The following ARHGEF9 variants were observed in gnomAD, a reference collection of about 807,000 sequenced individuals.
The protein encoded by ARHGEF9 is Cdc42 guanine nucleotide exchange factor 9, also known as rho guanine nucleotide exchange factor 9.
Under a neutral mutation model 41.3 loss-of-function variants are expected in ARHGEF9, and 2 were observed. That is an observed-to-expected ratio of 0.05 (90% CI 0.02 to 0.15). ARHGEF9 has a LOEUF of 0.15. Among genes scored for constraint, ARHGEF9 ranks in the 10% least tolerant of loss-of-function variants. The pLI is 1.00. For missense variants in ARHGEF9, 225 were observed against 424.7 expected (o/e 0.53, Z 4.13); for synonymous variants, 160 against 154.4 (o/e 1.04, Z -0.27).
At chrX:63,679,262 T>C (rs2050465831) in intron 4 of ARHGEF9, among the ~76,000 whole-genome samples, 1 of 111,535 alleles carries the variant, frequency 9.0e-6, no homozygotes, top group African/African-American at 3.3e-5. Context: ...TGGTAAAATG[T>C]TAACAACAGG....
chrX:63,715,350 G>A (rs2053225438), intron 2 of ARHGEF9, among the ~76,000 whole-genome samples: 1 of 111,466 alleles, frequency 9.0e-6, no homozygotes, highest in Non-Finnish European at 1.9e-5. Context: ...CCGATTTCAT[G>A]ATGAAAGCCA....
chrX:63,781,990 A>G (rs1318878980), intron 1 of ARHGEF9, among the ~76,000 whole-genome samples: 1 of 112,016 alleles, frequency 8.9e-6, no homozygotes, highest in African/African-American at 3.2e-5. Context: ...AATGCCCCTT[A>G]ACTAGTGAGG....
At chrX:63,711,683 C>T (rs2052941695) in intron 2 of ARHGEF9, among the ~76,000 whole-genome samples, 1 of 111,788 alleles carries the variant, frequency 8.9e-6, no homozygotes, top group Non-Finnish European at 1.9e-5. Context: ...TGAATGGAAT[C>T]AGATTATAAA....
intron 1 of ARHGEF9, among the ~76,000 whole-genome samples, chrX:63,770,488 T>G (rs1289399295): frequency 8.9e-6 from 1 of 112,207 alleles, no homozygotes; most frequent in East Asian, 2.8e-4. Context: ...TTGCCTCAAA[T>G]TTTAAAATGT....
At position 63,674,050 on chromosome X, in the gene ARHGEF9, G is replaced by T. The variant is rs2050112999; in HGVS notation, c.933C>A (p.Val311=). The change falls in exon 6 of 10, where the codon GTC becomes GTA. Residue 311 remains valine (V), a synonymous_variant. Transcript: ENST00000671741. ...IDKIAQWQAS[V]LDWEGEDILD... ...GTAAGTTTCCTACCTCCCAGTCTAG[G>T]ACAGAAGCCTGCCACTGAGCAATCT... The T allele has an allele frequency of 8.3e-7, 1 of 1,209,385 alleles. No homozygotes were observed. The highest frequency in any genetic ancestry group is 1.8e-5 in the African/African-American group (1 of 57,104).
intron 7 of ARHGEF9, among the ~76,000 whole-genome samples, chrX:63,665,232 A>T (rs1293149533): frequency 5.4e-5 from 6 of 112,137 alleles, no homozygotes; most frequent in African/African-American, 1.9e-4. Flanking sequence ...CAGCCTCACA[A>T]AGGAGAAGAG....
At chrX:63,650,567 A>G (rs1329368565) in intron 8 of ARHGEF9, among the ~76,000 whole-genome samples, 2 of 110,860 alleles carry the variant, frequency 1.8e-5, no homozygotes, top group African/African-American at 6.5e-5. Flanking sequence ...AAGGAATAAG[A>G]TTTAGTTTGT....
intron 1 of ARHGEF9, among the ~76,000 whole-genome samples, chrX:63,739,845 T>C (rs1354678441): frequency 8.9e-6 from 1 of 112,311 alleles, no homozygotes; most frequent in African/African-American, 3.2e-5. Context: ...AATGAAGTCT[T>C]GCACTTAAAA....
chrX:63,732,442 C>A (rs782423293), intron 1 of ARHGEF9: 1 of 111,687 alleles, frequency 9.0e-6, no homozygotes, highest in Non-Finnish European at 1.9e-5. Flanking sequence ...ACAACGCATT[C>A]TCTTCATTCC....
At chrX:63,784,565 C>T (rs1401415516) in intron 1 of ARHGEF9, among the ~76,000 whole-genome samples, 1 of 112,270 alleles carries the variant, frequency 8.9e-6, no homozygotes, top group African/African-American at 3.2e-5. Flanking sequence ...CTTTAGGGCT[C>T]CCTCAGGCAG....
intron 4 of ARHGEF9, among the ~76,000 whole-genome samples, chrX:63,694,878 G>A (rs1350394515): frequency 1.8e-5 from 2 of 111,980 alleles, no homozygotes; most frequent in African/African-American, 3.2e-5. Context: ...TCTACGTAAA[G>A]CTGATAAAAA....
intron 4 of ARHGEF9, among the ~76,000 whole-genome samples, chrX:63,686,955 T>C (rs182244880): frequency 6.4e-5 from 7 of 109,777 alleles, no homozygotes; most frequent in African/African-American, 1.0e-4. Flanking sequence ...TTCCCCACCA[T>C]CTTAGATTCC....
Position 63,697,131 on chromosome X carries a change from T to C in ARHGEF9, c.576A>G (p.Leu192=), listed in dbSNP as rs1556389015. Residue 192 remains leucine, a synonymous_variant, in exon 4 of 10, where the codon CTA becomes CTG. Transcript: ENST00000671741. Reference sequence around the variant, plus strand: ...AAATGGATAAGATACTTACGTGCTCTAGGAAGCAGGGTCCTATCTCGCTGA... The same window carrying C: ...AAATGGATAAGATACTTACGTGCTCCAGGAAGCAGGGTCCTATCTCGCTGA... ...PHLSEIGPCF[L]EHQDGFWIYS... is the part of the protein sequence containing the mutation. 1.7e-6 allele frequency: 2 copies of C among 1,209,734 alleles called. No homozygotes were observed. Among genetic ancestry groups the C allele is most frequent in the Admixed American group, 2.2e-5 (1 of 45,791 alleles).
chrX:63,688,404 T>C (rs1483420710), intron 4 of ARHGEF9, among the ~76,000 whole-genome samples: 1 of 112,095 alleles, frequency 8.9e-6, no homozygotes, highest in African/African-American at 3.2e-5. Context: ...AGAACACTAA[T>C]ATGTATCAAG....
chrX:63,719,809 G>T (rs1356185402), intron 2 of ARHGEF9: 4 of 294,539 alleles, frequency 1.4e-5, no homozygotes, highest in Non-Finnish European at 2.4e-5. Flanking sequence ...TGAGGGACTA[G>T]CACAGAGGTT....
At chrX:63,642,824 G>A (rs1488020840) in intron 9 of ARHGEF9, 2 of 111,396 alleles carry the variant, frequency 1.8e-5, no homozygotes, top group Non-Finnish European at 3.8e-5. Context: ...AGTGAACATG[G>A]CTATCAGTAA....
At chrX:63,652,340 T>G (rs1437668293) in intron 8 of ARHGEF9, among the ~76,000 whole-genome samples, 23 of 111,841 alleles carry the variant, frequency 2.1e-4, no homozygotes, top group Non-Finnish European at 1.9e-5. Flanking sequence ...GCTTCTTTAC[T>G]GAACACATAT....
intron 1 of ARHGEF9, among the ~76,000 whole-genome samples, chrX:63,770,599 A>G (rs1556454205): frequency 8.9e-6 from 1 of 112,192 alleles, no homozygotes; most frequent in Non-Finnish European, 1.9e-5. Flanking sequence ...GGGAGGGACC[A>G]AGGGCGGAAT....
intron 6 of ARHGEF9, 90 bp downstream of exon 6, chrX:63,673,948 G>T: frequency 9.1e-7 from 1 of 1,097,720 alleles, no homozygotes. Context: ...CTCTTCAAAT[G>T]TAATTTCTCT....
Sources: gnomAD v4.1 joint callset for allele counts (sites outside exome capture counted in the v4.1 genomes callset) on GRCh38, gnomAD v4.1.1 for gene constraint, MANE v1.5 for transcripts, NCBI Gene and HGNC (gene_info 2026-07-23, HGNC 2026-07-21) for gene names.